Variants in RERG observed in about 807,000 individuals in gnomAD.
RERG encodes the protein ras-related and estrogen-regulated growth inhibitor.
Under a neutral mutation model 23.2 loss-of-function variants are expected in RERG, and 25 were observed. The ratio of observed to expected loss-of-function variants is 1.08; its 90% CI spans 0.79 to 1.50. The LOEUF (loss-of-function observed/expected upper bound fraction) is 1.50, where lower values mean the gene tolerates loss of function less well. Ranked by LOEUF, RERG falls within the 40% of genes most tolerant of loss-of-function variation. The pLI is 0.00. For synonymous variants in RERG, 81 were observed against 89.1 expected, an observed-to-expected ratio of 0.91 and a Z score of 0.51; for missense variants, 253 against 250.1, an observed-to-expected ratio of 1.01 and a Z score of -0.08.
intron 2 of RERG, among the ~76,000 whole-genome samples, chr12:15,158,480 C>T (rs988038968): frequency 1.3e-5 from 2 of 152,074 alleles, no homozygotes; most frequent in African/African-American, 4.8e-5. Flanking sequence ...TGGGGTCTCA[C>T]TGTGTTGCCC....
chr12:15,190,632 AT>A (rs981014775), intron 2 of RERG, among the ~76,000 whole-genome samples: 4 of 152,202 alleles, frequency 2.6e-5, no homozygotes, highest in African/African-American at 9.6e-5. Context: ...GAAAACATAA[AT>A]GATAGGCAAA....
intron 2 of RERG, among the ~76,000 whole-genome samples, chr12:15,135,595 T>C (rs1448733639): frequency 6.6e-6 from 1 of 152,166 alleles, no homozygotes; most frequent in Non-Finnish European, 1.5e-5. Context: ...CCTAGTTTGC[T>C]GAAAGTTTTT....
In RERG at chr12:15,108,976, G is replaced by C; in HGVS notation, c.*134C>G. ...CACGCTAAAACTTCCCAACCTATTA[G>C]AGGCCAGAAACAATGGGAAGCCCAG... On this transcript the variant is annotated 3_prime_UTR_variant, in exon 5 of 5. Coordinates refer to ENST00000256953, the MANE Select transcript of RERG (RefSeq NM_032918.3). The C allele has an allele frequency of 1.1e-6, 1 of 922,972 alleles. No individual in the cohort carries two copies. The highest frequency in any genetic ancestry group is 2.5e-5 in the East Asian group (1 of 40,252). The allele number at this position is 922,972 out of a possible 1,614,324, so 57.2% of individuals were successfully genotyped here.
At chr12:15,189,746 T>A (rs1211172869) in intron 2 of RERG, among the ~76,000 whole-genome samples, 1 of 152,144 alleles carries the variant, frequency 6.6e-6, no homozygotes, top group Non-Finnish European at 1.5e-5. Flanking sequence ...AGAAGTGTCT[T>A]CTGAGAAAGG....
At chr12:15,193,269 T>A (rs1865097087) in intron 2 of RERG, among the ~76,000 whole-genome samples, 1 of 152,174 alleles carries the variant, frequency 6.6e-6, no homozygotes, top group African/African-American at 2.4e-5. Flanking sequence ...GGGATATCCA[T>A]TTTATCCCTT....
intron 2 of RERG, among the ~76,000 whole-genome samples, chr12:15,206,433 A>T (rs973239503): frequency 6.6e-6 from 1 of 152,178 alleles, no homozygotes; most frequent in Non-Finnish European, 1.5e-5. Flanking sequence ...AAAAAGCTAT[A>T]TGCTTTTCTG....
At chr12:15,208,988 T>C (rs80256557) in intron 2 of RERG, among the ~76,000 whole-genome samples, 89 of 152,156 alleles carry the variant, frequency 5.8e-4, no homozygotes, top group Non-Finnish European at 1.1e-3. Flanking sequence ...TCATGTGACA[T>C]ATTTGAAACC....
chr12:15,140,833 T>C (rs968441205), intron 2 of RERG, among the ~76,000 whole-genome samples: 7 of 152,120 alleles, frequency 4.6e-5, no homozygotes, highest in Non-Finnish European at 7.4e-5. Flanking sequence ...AATATGTTTT[T>C]AGTCTTTGTT....
intron 2 of RERG, among the ~76,000 whole-genome samples, chr12:15,183,343 TTGAAA>T (rs1565530890): frequency 3.9e-5 from 6 of 152,002 alleles, no homozygotes; most frequent in Admixed American, 3.9e-4. Flanking sequence ...CTCCAGAATA[TTGAAA>T]TTGAGTAATC....
At chr12:15,120,967 A>G in intron 3 of RERG, 96 bp downstream of exon 3, 1 of 909,818 alleles carries the variant, frequency 1.1e-6, no homozygotes, top group East Asian at 2.6e-5. Flanking sequence ...CACATCAGCT[A>G]AAAGGAGCTT....
At chr12:15,202,456 C>T (rs1191461270) in intron 2 of RERG, among the ~76,000 whole-genome samples, 2 of 151,754 alleles carry the variant, frequency 1.3e-5, no homozygotes, top group African/African-American at 4.8e-5. Flanking sequence ...CCTCTTTCAC[C>T]TTACTGCCAT....
chr12:15,160,900 G>A (rs1311442022), intron 2 of RERG, among the ~76,000 whole-genome samples: 1 of 152,004 alleles, frequency 6.6e-6, no homozygotes. Context: ...ACTTCGGGAG[G>A]CCGAGGCAGG....
chr12:15,148,953 C>G (rs1312009348), intron 2 of RERG, among the ~76,000 whole-genome samples: 17 of 147,122 alleles, frequency 1.2e-4, no homozygotes, highest in African/African-American at 3.6e-4. Context: ...ACTGCAACCT[C>G]CGCCTCCTGG....
At chr12:15,162,286 C>T (rs1423257306) in intron 2 of RERG, among the ~76,000 whole-genome samples, 1 of 152,144 alleles carries the variant, frequency 6.6e-6, no homozygotes, top group Non-Finnish European at 1.5e-5. Context: ...GGACTGCCTC[C>T]AGGAGAAAGT....
chr12:15,162,596 G>T (rs943602727), intron 2 of RERG, among the ~76,000 whole-genome samples: 1 of 152,128 alleles, frequency 6.6e-6, no homozygotes, highest in Admixed American at 6.6e-5. Flanking sequence ...CAATGGGTGG[G>T]AGTATTGAAG....
rs376565973 is a variant in RERG, at chr12:15,133,146, G to GATATATATAT, written c.62-12037_62-12028dup. On this transcript the variant is annotated intron_variant, in intron 2 of 4. Transcript: ENST00000256953. ...CTCTTGGGGTTGTATATCCTGTGGA[G>GATATATATAT]ATATATATATATATATATATATATA... 5.2e-3 allele frequency among the ~76,000 whole-genome samples: 655 copies of GATATATATAT among 125,164 alleles called. 5 individuals carry two copies. The highest frequency in any genetic ancestry group is 8.8e-3 in the East Asian group (38 of 4,316). 82.1% of individuals were successfully genotyped at this position (125,164 alleles called of 152,430 possible).
chr12:15,133,728 T>TG (rs1477577231), intron 2 of RERG, among the ~76,000 whole-genome samples: 1 of 150,100 alleles, frequency 6.7e-6, no homozygotes, highest in Non-Finnish European at 1.5e-5. Flanking sequence ...CTGAGAGGTT[T>TG]TTTTTTTTTT....
intron 3 of RERG, among the ~76,000 whole-genome samples, chr12:15,116,577 G>A (rs554379094): frequency 3.9e-4 from 59 of 152,062 alleles, no homozygotes; most frequent in African/African-American, 1.1e-3. Flanking sequence ...GTGTGGTAGC[G>A]TGATTTTGTC....
At chr12:15,220,241 T>C (rs1865495268) in intron 1 of RERG, among the ~76,000 whole-genome samples, 1 of 152,196 alleles carries the variant, frequency 6.6e-6, no homozygotes, top group Non-Finnish European at 1.5e-5. Context: ...GGGCTGAAAT[T>C]TGCCATTCAC....
Sources: gnomAD v4.1 joint callset for allele counts (sites outside exome capture counted in the v4.1 genomes callset) on GRCh38, gnomAD v4.1.1 for gene constraint, MANE v1.5 for transcripts, NCBI Gene and HGNC (gene_info 2026-07-23, HGNC 2026-07-21) for gene names.